CREB5: variants seen among roughly 807,000 people sequenced by gnomAD.
The protein encoded by CREB5 is cAMP responsive element binding protein 5, also known as cyclic AMP-responsive element-binding protein 5.
Under a neutral mutation model 57.1 loss-of-function variants are expected in CREB5, and 19 were observed. That is an observed-to-expected ratio of 0.33 (90% confidence interval 0.23 to 0.49). CREB5 has a LOEUF of 0.49. CREB5 is among the 20% of genes least tolerant of loss of function. The pLI, the probability that CREB5 is intolerant of heterozygous loss-of-function variation, is 0.99. For synonymous variants in CREB5, 238 were observed against 238.3 expected, an observed-to-expected ratio of 1.00 and a Z score of 0.01; for missense variants, 579 against 671.6, an observed-to-expected ratio of 0.86 and a Z score of 1.52.
At chr7:28,465,937 T>C (rs1790545709) in intron 1 of CREB5, among the ~76,000 whole-genome samples, 1 of 152,180 alleles carries the variant, frequency 6.6e-6, no homozygotes, top group African/African-American at 2.4e-5. Context: ...CTTGCCTCTC[T>C]GCAATGTAGC....
chr7:28,377,329 AC>A (rs1786852958), intron 1 of CREB5, among the ~76,000 whole-genome samples: 1 of 152,024 alleles, frequency 6.6e-6, no homozygotes, highest in African/African-American at 2.4e-5. Flanking sequence ...GTATGAAAAA[AC>A]TTTATACTGA....
At chr7:28,510,079 C>A (rs1792640438) in intron 4 of CREB5, among the ~76,000 whole-genome samples, 1 of 152,180 alleles carries the variant, frequency 6.6e-6, no homozygotes, top group Non-Finnish European at 1.5e-5. Flanking sequence ...TTGGCTCTGG[C>A]ATTTCTTTGG....
intron 3 of CREB5, among the ~76,000 whole-genome samples, chr7:28,497,574 T>C (rs189731497): frequency 2.0e-5 from 3 of 152,324 alleles, no homozygotes; most frequent in African/African-American, 7.2e-5. Flanking sequence ...CCTAATGAAA[T>C]GAAGTGCTAA....
intron 5 of CREB5, among the ~76,000 whole-genome samples, chr7:28,631,038 AC>A (rs1362610180): frequency 1.3e-5 from 2 of 152,064 alleles, no homozygotes; most frequent in Non-Finnish European, 1.5e-5. Flanking sequence ...CAGAGCTCTG[AC>A]CCCAGAGCAC....
At chr7:28,812,984 GAAAACAAAA>G (rs1809214533) in intron 9 of CREB5, among the ~76,000 whole-genome samples, 1 of 152,142 alleles carries the variant, frequency 6.6e-6, no homozygotes, top group South Asian at 2.1e-4. Flanking sequence ...CCAGACCTAA[GAAAACAAAA>G]TCAAACTCCC....
intron 1 of CREB5, among the ~76,000 whole-genome samples, chr7:28,364,820 T>A (rs973764564): frequency 3.3e-5 from 5 of 152,198 alleles, no homozygotes; most frequent in African/African-American, 1.2e-4. Flanking sequence ...CTAGAAACTA[T>A]CTGTCTTCCT....
chr7:28,630,228 G>A (rs180879895), intron 5 of CREB5, among the ~76,000 whole-genome samples: 97 of 152,300 alleles, frequency 6.4e-4, no homozygotes, highest in Middle Eastern at 6.8e-3. Context: ...TCTCCCAAAT[G>A]ATACCTGTCT....
At chr7:28,497,880 C>T (rs2128600916) in intron 3 of CREB5, among the ~76,000 whole-genome samples, 1 of 152,244 alleles carries the variant, frequency 6.6e-6, no homozygotes, top group East Asian at 1.9e-4. Context: ...CAAGATTTTA[C>T]TTGACTGTTG....
At chr7:28,760,758 GC>G (rs1365824425) in intron 7 of CREB5, among the ~76,000 whole-genome samples, 1 of 152,146 alleles carries the variant, frequency 6.6e-6, no homozygotes. Context: ...AAGTAGTAAA[GC>G]CTACCTATGA....
chr7:28,461,778 T>C (rs1790359114), intron 1 of CREB5, among the ~76,000 whole-genome samples: 1 of 152,200 alleles, frequency 6.6e-6, no homozygotes, highest in Non-Finnish European at 1.5e-5. Flanking sequence ...CAATGTGTCC[T>C]GATTTTGTTT....
Position 28,532,550 on chromosome 7 carries a change from C to T in CREB5, c.291+24813C>T, listed in dbSNP as rs576986551. Among the ~76,000 whole-genome samples the T allele has an allele frequency of 3.3e-5, 5 of 152,230 alleles. No individual in the cohort carries two copies. The South Asian group carries it at 1.0e-3, about 32-fold the overall frequency. On this transcript the variant is annotated intron_variant, in intron 4 of 10. Coordinates refer to ENST00000357727, the MANE Select transcript of CREB5 (RefSeq NM_182898.4). ...CGTGACAACTTCAGAGGGAAAGAGTCCCAGACCAACAGTGCCTCGGGTCTC... is the reference window on the plus strand; with the variant it reads ...CGTGACAACTTCAGAGGGAAAGAGTTCCAGACCAACAGTGCCTCGGGTCTC...
intron 1 of CREB5, among the ~76,000 whole-genome samples, chr7:28,373,960 C>G (rs118102911): frequency 6.6e-6 from 1 of 151,126 alleles, no homozygotes; most frequent in African/African-American, 2.4e-5. Context: ...CTTTTATGCC[C>G]GGCAGGGACA....
chr7:28,728,124 G>T (rs1043201995), intron 7 of CREB5, among the ~76,000 whole-genome samples: 1 of 152,056 alleles, frequency 6.6e-6, no homozygotes, highest in African/African-American at 2.4e-5. Flanking sequence ...TATTTTTGTC[G>T]AGACAGGATC....
intron 7 of CREB5, among the ~76,000 whole-genome samples, chr7:28,772,930 C>G (rs1227189655): frequency 6.6e-6 from 1 of 152,110 alleles, no homozygotes. Flanking sequence ...ATAGGCAGCT[C>G]TCGTAACCTC....
chr7:28,526,043 G>A (rs1231970423), intron 4 of CREB5, among the ~76,000 whole-genome samples: 1 of 152,124 alleles, frequency 6.6e-6, no homozygotes, highest in African/African-American at 2.4e-5. Flanking sequence ...GGGAAATTAG[G>A]CAAATACTCT....
intron 4 of CREB5, among the ~76,000 whole-genome samples, chr7:28,558,391 A>G (rs1286613146): frequency 6.6e-6 from 1 of 152,244 alleles, no homozygotes; most frequent in Non-Finnish European, 1.5e-5. Flanking sequence ...TAGACAATTT[A>G]CAATGCAAGG....
At chr7:28,508,185 A>G (rs1207934567) in intron 4 of CREB5, among the ~76,000 whole-genome samples, 2 of 152,210 alleles carry the variant, frequency 1.3e-5, no homozygotes, top group African/African-American at 2.4e-5. Flanking sequence ...ACCTTGTTCT[A>G]GTATTGAACA....
chr7:28,593,709 G>T (rs947195500), intron 5 of CREB5, among the ~76,000 whole-genome samples: 1 of 152,162 alleles, frequency 6.6e-6, no homozygotes, highest in African/African-American at 2.4e-5. Context: ...GAGAGCAGTA[G>T]GTGTGATGAG....
intron 1 of CREB5, among the ~76,000 whole-genome samples, chr7:28,446,058 A>T (rs17156696): frequency 0.1 from 15,248 of 152,276 alleles, 976 homozygotes; most frequent in East Asian, 0.28. Context: ...CCTTTCCTGA[A>T]GTCAACTATA....
Sources: gnomAD v4.1 joint callset for allele counts (sites outside exome capture counted in the v4.1 genomes callset) on GRCh38, gnomAD v4.1.1 for gene constraint, MANE v1.5 for transcripts, NCBI Gene and HGNC (gene_info 2026-07-23, HGNC 2026-07-21) for gene names.